TSNARE1: variants seen among roughly 807,000 people sequenced by gnomAD.
The protein encoded by TSNARE1 is t-SNARE domain-containing protein 1.
In TSNARE1, 49 loss-of-function variants were observed where a neutral mutation model predicts 62.0. The ratio of observed to expected loss-of-function variants is 0.79; its 90% confidence interval spans 0.63 to 1.00. The LOEUF is 1.00. Among genes scored for constraint, TSNARE1 ranks in the 50% least tolerant of loss-of-function variants. The pLI, the probability that TSNARE1 is intolerant of heterozygous loss-of-function variation, is 0.00. For synonymous variants in TSNARE1, 328 were observed against 294.4 expected, an observed-to-expected ratio of 1.11 and a Z score of -1.17; for missense variants, 755 against 700.1, an observed-to-expected ratio of 1.08 and a Z score of -0.88.
chr8:142,236,548 G>C (rs1322702588), intron 12 of TSNARE1, among the ~76,000 whole-genome samples: 2 of 149,266 alleles, frequency 1.3e-5, no homozygotes, highest in East Asian at 4.0e-4. Flanking sequence ...GTCCCAGGCT[G>C]ATCCCCATGT....
chr8:142,242,499 A>G (rs1423392845), intron 12 of TSNARE1, among the ~76,000 whole-genome samples: 2 of 152,272 alleles, frequency 1.3e-5, no homozygotes, highest in Non-Finnish European at 2.9e-5. Flanking sequence ...GGGAGGAAAT[A>G]TGTCCAAACC....
chr8:142,360,830 C>T (rs972578033), intron 1 of TSNARE1, among the ~76,000 whole-genome samples: 5 of 152,242 alleles, frequency 3.3e-5, no homozygotes, highest in African/African-American at 1.2e-4. Context: ...CCACCGGGCT[C>T]CCGGCTCCAG....
intron 4 of TSNARE1, among the ~76,000 whole-genome samples, chr8:142,342,126 G>T (rs1832673969): frequency 6.6e-6 from 1 of 152,226 alleles, no homozygotes; most frequent in African/African-American, 2.4e-5. Flanking sequence ...CCAAAGAGGG[G>T]CTCCCCCACG....
At chr8:142,225,130 C>A (rs979813332) in intron 13 of TSNARE1, among the ~76,000 whole-genome samples, 4 of 152,068 alleles carry the variant, frequency 2.6e-5, no homozygotes, top group African/African-American at 9.7e-5. Flanking sequence ...TGCTGTCAGC[C>A]CCCGATGGTT....
chr8:142,325,207 C>T (rs112829046), intron 6 of TSNARE1, among the ~76,000 whole-genome samples: 1 of 152,098 alleles, frequency 6.6e-6, no homozygotes, highest in Non-Finnish European at 1.5e-5. Flanking sequence ...AAGCCTGAGG[C>T]CGTGGGACTG....
intron 12 of TSNARE1, among the ~76,000 whole-genome samples, chr8:142,245,858 C>T (rs556360981): frequency 8.5e-5 from 13 of 152,092 alleles, no homozygotes; most frequent in Non-Finnish European, 8.8e-5. Flanking sequence ...CCTAAATACA[C>T]GCTACACACA....
Position 142,344,481 on chromosome 8 carries a change from G to T in TSNARE1, c.239-9C>A. ...AGGGGCAACCCCAGGCCCTGGAAAG[G>T]CACCAAAAGGCGGATGTTTAAGGCC... On this transcript the variant is annotated splice_polypyrimidine_tract_variant and intron_variant, in intron 3 of 13. Transcript: ENST00000524325. The T allele has an allele frequency of 6.6e-7, 1 of 1,516,448 alleles. No homozygotes were observed. Among genetic ancestry groups the T allele is most frequent in the Non-Finnish European group, 8.8e-7 (1 of 1,138,566 alleles). 93.9% of individuals were successfully genotyped at this position (1,516,448 alleles called of 1,614,324 possible). A position where few individuals can be genotyped will look rare whatever the true frequency, so the allele number is the denominator to read the frequency against.
chr8:142,351,580 C>G (rs1181823948), intron 2 of TSNARE1, among the ~76,000 whole-genome samples: 1 of 152,136 alleles, frequency 6.6e-6, no homozygotes, highest in East Asian at 1.9e-4. Flanking sequence ...GCCAGGCAAA[C>G]CCAGTCAAAG....
chr8:142,219,644 C>T (rs1379799212), intron 13 of TSNARE1, among the ~76,000 whole-genome samples: 1 of 152,240 alleles, frequency 6.6e-6, no homozygotes, highest in Non-Finnish European at 1.5e-5. Context: ...GGCCCCCTCC[C>T]CTCACCTGCC....
At chr8:142,280,312 C>T in intron 11 of TSNARE1, 2 of 985,384 alleles carry the variant, frequency 2.0e-6, no homozygotes, top group Non-Finnish European at 2.4e-6. Context: ...GATGGCTTTG[C>T]TGCTGCTGGA....
chr8:142,260,885 G>A (rs904786628), intron 12 of TSNARE1, among the ~76,000 whole-genome samples: 3 of 146,926 alleles, frequency 2.0e-5, no homozygotes, highest in Non-Finnish European at 4.5e-5. Flanking sequence ...GGAAGGGAAG[G>A]TGAGGGCAGA....
intron 13 of TSNARE1, among the ~76,000 whole-genome samples, chr8:142,226,668 C>G (rs1358714763): frequency 1.3e-5 from 2 of 151,244 alleles, no homozygotes; most frequent in African/African-American, 2.5e-5. Flanking sequence ...AATGGGGTCA[C>G]TGCCCCAAGC....
intron 1 of TSNARE1, among the ~76,000 whole-genome samples, chr8:142,385,288 AG>A (rs1000823137): frequency 3.9e-5 from 6 of 152,226 alleles, no homozygotes; most frequent in African/African-American, 1.4e-4. Context: ...CCACCCCGCA[AG>A]CCAAGAAGCC....
intron 2 of TSNARE1, among the ~76,000 whole-genome samples, chr8:142,353,026 G>A (rs1369347883): frequency 6.6e-6 from 1 of 152,106 alleles, no homozygotes; most frequent in African/African-American, 2.4e-5. Flanking sequence ...AGGCCCTGCA[G>A]GCTTCCCTGG....
At chr8:142,321,909 T>C in intron 6 of TSNARE1, among the ~76,000 whole-genome samples, 1 of 152,138 alleles carries the variant, frequency 6.6e-6, no homozygotes, top group Non-Finnish European at 1.5e-5. Context: ...TGTATGAGGC[T>C]CACACCACCC....
At chr8:142,360,064 G>A (rs1024901617) in intron 1 of TSNARE1, among the ~76,000 whole-genome samples, 2 of 152,208 alleles carry the variant, frequency 1.3e-5, no homozygotes, top group African/African-American at 2.4e-5. Context: ...GTGCGGCCTT[G>A]AAGGCCTGGG....
intron 4 of TSNARE1, among the ~76,000 whole-genome samples, chr8:142,332,862 T>C (rs1232313097): frequency 6.6e-6 from 1 of 152,174 alleles, no homozygotes; most frequent in Non-Finnish European, 1.5e-5. Flanking sequence ...GAGAAGCTCC[T>C]GAAGAGCACT....
chr8:142,250,470 C>T (rs2130275245), intron 12 of TSNARE1, among the ~76,000 whole-genome samples: 1 of 152,256 alleles, frequency 6.6e-6, no homozygotes, highest in South Asian at 2.1e-4. Flanking sequence ...GGAAAACAGC[C>T]ATCAGCGTCG....
At chr8:142,224,878 G>C (rs763169810) in intron 13 of TSNARE1, among the ~76,000 whole-genome samples, 2 of 152,156 alleles carry the variant, frequency 1.3e-5, no homozygotes, top group Non-Finnish European at 2.9e-5. Flanking sequence ...GGCTGAGCCC[G>C]CGGGGAGTGG....
Sources: allele counts gnomAD v4.1 joint callset (sites outside exome capture counted in the v4.1 genomes callset), GRCh38; gene constraint gnomAD v4.1.1; transcripts MANE v1.5; gene names NCBI Gene and HGNC (gene_info 2026-07-23, HGNC 2026-07-21).